DLG2: variants seen among roughly 807,000 people sequenced by gnomAD.
The protein encoded by DLG2 is disks large homolog 2.
DLG2 carries 45 observed loss-of-function variants against 132.5 expected under a neutral mutation model. The observed-to-expected ratio is 0.34, with a 90% CI of 0.27 to 0.44. The LOEUF (loss-of-function observed/expected upper bound fraction) is 0.44, where lower values mean the gene tolerates loss of function less well. DLG2 is among the 20% of genes least tolerant of loss of function. The pLI is 1.00. For synonymous variants in DLG2, 424 were observed against 419.6 expected (o/e 1.01, Z -0.13); for missense variants, 1,045 against 1,196.9 (o/e 0.87, Z 1.87).
chr11:84,313,393 C>T (rs1043205130), intron 7 of DLG2, among the ~76,000 whole-genome samples: 3 of 152,034 alleles, frequency 2.0e-5, no homozygotes, highest in East Asian at 1.9e-4. Flanking sequence ...GGATTACAGG[C>T]GTGAGTCACC....
chr11:85,488,221 T>C (rs2093474872), intron 3 of DLG2, among the ~76,000 whole-genome samples: 1 of 152,030 alleles, frequency 6.6e-6, no homozygotes, highest in Non-Finnish European at 1.5e-5. Context: ...AAACCCCATC[T>C]CTACTAAAAA....
chr11:84,754,221 T>C (rs1166800039), intron 6 of DLG2, among the ~76,000 whole-genome samples: 1 of 152,184 alleles, frequency 6.6e-6, no homozygotes, highest in Non-Finnish European at 1.5e-5. Flanking sequence ...TGAGTGGATG[T>C]AGAAGATCTT....
intron 6 of DLG2, among the ~76,000 whole-genome samples, chr11:84,709,973 C>A (rs1326883509): frequency 6.6e-6 from 1 of 151,982 alleles, no homozygotes; most frequent in African/African-American, 2.4e-5. Context: ...TTCTCATTAT[C>A]TGGAGCAGGG....
chr11:83,778,975 T>C (rs2094698195), intron 18 of DLG2, among the ~76,000 whole-genome samples: 1 of 152,110 alleles, frequency 6.6e-6, no homozygotes, highest in Admixed American at 6.6e-5. Context: ...TTTCTGTTAG[T>C]AGAATGTGTA....
chr11:85,458,046 T>C (rs2092477038), intron 3 of DLG2, among the ~76,000 whole-genome samples: 1 of 152,234 alleles, frequency 6.6e-6, no homozygotes, highest in East Asian at 1.9e-4. Context: ...TTGCTTGCTT[T>C]CTCTCCATCT....
chr11:84,660,626 C>G (rs1233408839), intron 6 of DLG2, among the ~76,000 whole-genome samples: 1 of 152,110 alleles, frequency 6.6e-6, no homozygotes, highest in Non-Finnish European at 1.5e-5. Context: ...TCAGTTTGAA[C>G]TAGACTATGA....
intron 15 of DLG2, among the ~76,000 whole-genome samples, chr11:83,927,951 G>A (rs904874157): frequency 2.0e-5 from 3 of 152,172 alleles, no homozygotes; most frequent in Admixed American, 6.6e-5. Flanking sequence ...TGAACAATGC[G>A]GTAGATGTGT....
At position 85,474,340 on chromosome 11, in the gene DLG2, T is replaced by C. The variant is rs2093074402; in HGVS notation, c.40+124317A>G. Among the ~76,000 whole-genome samples the C allele has an allele frequency of 2.0e-5, 3 of 151,998 alleles. No homozygotes were observed. In the South Asian group the frequency reaches 6.2e-4, roughly 31 times the overall value. Reference sequence around the variant, plus strand: ...GACATGAAAATTTGAATTGAATCTGTATATATCTTATCATATAGACTCAAA... The same window carrying C: ...GACATGAAAATTTGAATTGAATCTGCATATATCTTATCATATAGACTCAAA... On this transcript the variant is annotated intron_variant, in intron 3 of 27. Coordinates refer to ENST00000376104, the MANE Select transcript of DLG2 (RefSeq NM_001142699.3).
intron 3 of DLG2, among the ~76,000 whole-genome samples, chr11:85,300,346 A>T (rs1029111751): frequency 2.6e-5 from 4 of 152,206 alleles, no homozygotes; most frequent in African/African-American, 9.7e-5. Context: ...TACCTGAAGC[A>T]CTAAAACAAT....
At chr11:84,831,071 C>T (rs561473115) in intron 6 of DLG2, among the ~76,000 whole-genome samples, 23 of 147,124 alleles carry the variant, frequency 1.6e-4, no homozygotes, top group Middle Eastern at 7.5e-3. Flanking sequence ...CTAAAAAAAA[C>T]TGTTCTCTCT....
intron 7 of DLG2, among the ~76,000 whole-genome samples, chr11:84,503,105 T>C (rs1357781941): frequency 1.3e-5 from 2 of 152,192 alleles, no homozygotes; most frequent in Non-Finnish European, 2.9e-5. Context: ...CAGTAAATGT[T>C]AGTGGTATAG....
At chr11:85,428,072 G>C (rs1254106470) in intron 3 of DLG2, among the ~76,000 whole-genome samples, 3 of 152,162 alleles carry the variant, frequency 2.0e-5, no homozygotes, top group Non-Finnish European at 2.9e-5. Context: ...AACAAGAAGA[G>C]CTAACTATCC....
chr11:84,041,778 C>A (rs540073184), intron 11 of DLG2, among the ~76,000 whole-genome samples: 1 of 151,978 alleles, frequency 6.6e-6, no homozygotes, highest in East Asian at 1.9e-4. Flanking sequence ...GCTATGTCCC[C>A]ACCCAAATTC....
intron 4 of DLG2, among the ~76,000 whole-genome samples, chr11:85,164,268 A>C (rs536548438): frequency 7.9e-5 from 12 of 152,226 alleles, no homozygotes; most frequent in African/African-American, 2.4e-4. Context: ...AGTTTCACAA[A>C]ATAACCAGCT....
At chr11:84,287,709 CCTT>C (rs1166566871) in intron 7 of DLG2, among the ~76,000 whole-genome samples, 2 of 150,240 alleles carry the variant, frequency 1.3e-5, no homozygotes, top group Non-Finnish European at 3.0e-5. Context: ...CTACCTCTCT[CCTT>C]CTCTCCCTCC....
At position 83,616,806 on chromosome 11, in the gene DLG2, T is replaced by C. The variant is rs529848792; in HGVS notation, c.1940+16405A>G. 2.0e-3 allele frequency among the ~76,000 whole-genome samples: 312 copies of C among 152,324 alleles called. 2 individuals carry two copies. Among genetic ancestry groups the C allele is most frequent in the Non-Finnish European group, 2.3e-3 (156 of 68,016 alleles). ...TTTATATTTTTATCTATAATCCATGTAGAAAGATTTTTGTGTATAGTGTGA... is the reference window on the plus strand; with the variant it reads ...TTTATATTTTTATCTATAATCCATGCAGAAAGATTTTTGTGTATAGTGTGA... On this transcript the variant is annotated intron_variant, in intron 19 of 27. Coordinates refer to ENST00000376104, the MANE Select transcript of DLG2 (RefSeq NM_001142699.3).
intron 19 of DLG2, among the ~76,000 whole-genome samples, chr11:83,627,840 AGT>A (rs2062863559): frequency 6.6e-6 from 1 of 152,194 alleles, no homozygotes; most frequent in South Asian, 2.1e-4. Context: ...ACAGTGTAAA[AGT>A]GTTCATATTT....
chr11:84,500,815 C>A (rs2099202032), intron 7 of DLG2, among the ~76,000 whole-genome samples: 1 of 152,174 alleles, frequency 6.6e-6, no homozygotes, highest in Non-Finnish European at 1.5e-5. Flanking sequence ...ATATTGAGAT[C>A]ATGTCTCATG....
At chr11:84,573,757 A>G (rs1286599457) in intron 6 of DLG2, among the ~76,000 whole-genome samples, 1 of 152,212 alleles carries the variant, frequency 6.6e-6, no homozygotes, top group Non-Finnish European at 1.5e-5. Context: ...AAAGCTGTCC[A>G]TGACTCTAGG....
Sources: gnomAD v4.1 joint callset for allele counts (sites outside exome capture counted in the v4.1 genomes callset) on GRCh38, gnomAD v4.1.1 for gene constraint, MANE v1.5 for transcripts, NCBI Gene and HGNC (gene_info 2026-07-23, HGNC 2026-07-21) for gene names.